TLK2: variants seen among roughly 807,000 people sequenced by gnomAD.
The protein encoded by TLK2 is serine/threonine-protein kinase tousled-like 2.
A neutral mutation model predicts 117.3 loss-of-function variants in TLK2; 6 were observed. The observed-to-expected ratio is 0.05, with a 90% CI of 0.03 to 0.10. TLK2 has a LOEUF of 0.10. Ranked by LOEUF, TLK2 falls within the 10% of genes least tolerant of loss-of-function variation. TLK2 has a pLI of 1.00. For missense variants in TLK2, 299 were observed against 901.2 expected (o/e 0.33, Z 8.56); for synonymous variants, 257 against 316.7 (o/e 0.81, Z 2.00).
intron 6 of TLK2, among the ~76,000 whole-genome samples, chr17:62,531,368 CT>C (rs2076730889): frequency 6.6e-6 from 1 of 152,082 alleles, no homozygotes; most frequent in Admixed American, 6.5e-5. Context: ...GCTATTAGCT[CT>C]ATTGAATTGG....
rs1376173634 is a variant in TLK2, at chr17:62,537,913, A to G, written c.531+1576A>G. On this transcript the variant is annotated intron_variant, in intron 7 of 21. Coordinates refer to ENST00000346027, the MANE Select transcript of TLK2 (RefSeq NM_006852.6). ...TATTGTGAGAGGGACTGACAGCAGT[A>G]TGGAATAGTTCCTTTGAGAATGCAG... 3.3e-5 allele frequency among the ~76,000 whole-genome samples: 5 copies of G among 152,012 alleles called. No individual in the cohort carries two copies. The East Asian group carries it at 7.7e-4, about 23-fold the overall frequency.
chr17:62,503,415 C>CTTTTTTTTTTTT (rs35652112), intron 2 of TLK2, among the ~76,000 whole-genome samples: 1 of 94,022 alleles, frequency 1.1e-5, no homozygotes, highest in Non-Finnish European at 2.3e-5. Flanking sequence ...TTAGTTATAA[C>CTTTTTTTTTTTT]TTTTTTTTTT....
chr17:62,524,387 A>C (rs1409005459), intron 6 of TLK2, 56 bp downstream of exon 6: 1 of 1,538,378 alleles, frequency 6.5e-7, no homozygotes, highest in African/African-American at 1.4e-5. Flanking sequence ...GATGCCCAGA[A>C]ACACTCAAGC....
chr17:62,570,050 G>C (rs1323134146), intron 11 of TLK2, among the ~76,000 whole-genome samples: 1 of 152,126 alleles, frequency 6.6e-6, no homozygotes, highest in Middle Eastern at 3.2e-3. Flanking sequence ...TGCTCTCCCT[G>C]TGCGTCTCTG....
rs1043078438 is a variant in TLK2 at position 62,479,075 on chromosome 17, C to T, written c.-221C>T. Reference sequence around the variant, plus strand: ...TCGGGCGCCTGGCTCTGTACGCGAGCCCGGGGATCTGCGGCCTTCGTGCCC... The same window carrying T: ...TCGGGCGCCTGGCTCTGTACGCGAGTCCGGGGATCTGCGGCCTTCGTGCCC... On this transcript the variant is annotated 5_prime_UTR_variant, in exon 1 of 22. Transcript: ENST00000346027. 6 of 150,172 alleles carry T rather than the reference C, an allele frequency of 4.0e-5. No individual in the cohort carries two copies. Among genetic ancestry groups the T allele is most frequent in the Non-Finnish European group, 5.9e-5 (4 of 67,294 alleles). The allele number at this position is 150,172 out of a possible 1,614,324, so 9.3% of individuals were successfully genotyped here. A position where few individuals can be genotyped will look rare whatever the true frequency, so the allele number is the denominator to read the frequency against.
chr17:62,576,693 T>C lies in TLK2; in HGVS notation c.1122-16T>C. 1 of 1,607,168 alleles carries C rather than the reference T, an allele frequency of 6.2e-7. No individual in the cohort carries two copies. The highest frequency in any genetic ancestry group is 8.5e-7 in the Non-Finnish European group (1 of 1,174,430). On this transcript the variant is annotated splice_polypyrimidine_tract_variant and intron_variant, in intron 12 of 21. Coordinates refer to ENST00000346027, the MANE Select transcript of TLK2 (RefSeq NM_006852.6). Reference sequence around the variant, plus strand: ...ATTTCTAGTAGTTTACTGAAACTTTTACCACTGTTTTTCAGGTTAACGTTA... The same window carrying C: ...ATTTCTAGTAGTTTACTGAAACTTTCACCACTGTTTTTCAGGTTAACGTTA...
chr17:62,507,138 C>T (rs1436251935), intron 2 of TLK2, among the ~76,000 whole-genome samples: 1 of 151,832 alleles, frequency 6.6e-6, no homozygotes, highest in Non-Finnish European at 1.5e-5. Context: ...GCGGGGCGCG[C>T]TGAGTCACAT....
intron 15 of TLK2, among the ~76,000 whole-genome samples, chr17:62,583,561 A>G (rs1192282754): frequency 6.6e-6 from 1 of 151,488 alleles, no homozygotes; most frequent in Non-Finnish European, 1.5e-5. Flanking sequence ...TTCCTAATGT[A>G]TTTCTTCAAA....
chr17:62,569,058 A>G (rs2080047584), intron 11 of TLK2, among the ~76,000 whole-genome samples: 1 of 151,560 alleles, frequency 6.6e-6, no homozygotes, highest in African/African-American at 2.4e-5. Flanking sequence ...TAATCCCAGC[A>G]GTTTGGGAGG....
chr17:62,476,926 GAAA>G (rs59956556), upstream of TLK2, among the ~76,000 whole-genome samples: 6 of 145,852 alleles, frequency 4.1e-5, no homozygotes, highest in East Asian at 1.2e-3. Context: ...TACCAAAAAA[GAAA>G]AAAAAAAAAA....
At chr17:62,476,012 C>G (rs1345523955), upstream of TLK2, among the ~76,000 whole-genome samples, 4 of 151,778 alleles carry the variant, frequency 2.6e-5, no homozygotes, top group Non-Finnish European at 5.9e-5. Flanking sequence ...GGGTCTCACT[C>G]TGTCACCCAG....
intron 7 of TLK2, among the ~76,000 whole-genome samples, chr17:62,546,000 G>C (rs2077882384): frequency 6.6e-6 from 1 of 152,160 alleles, no homozygotes; most frequent in South Asian, 2.1e-4. Context: ...TCCTGCCTCA[G>C]CCTTCTGAGT....
chr17:62,503,487 A>G (rs1406892046), intron 2 of TLK2, among the ~76,000 whole-genome samples: 1 of 145,454 alleles, frequency 6.9e-6, no homozygotes, highest in African/African-American at 2.6e-5. Context: ...GCACGATCTC[A>G]GCCCACTGCA....
chr17:62,537,471 C>A (rs1319687237), intron 7 of TLK2, among the ~76,000 whole-genome samples: 8 of 152,152 alleles, frequency 5.3e-5, no homozygotes. Flanking sequence ...TTCTCCATGT[C>A]TGTGTGGGTT....
At chr17:62,569,808 G>T (rs540468710) in intron 11 of TLK2, among the ~76,000 whole-genome samples, 1 of 152,110 alleles carries the variant, frequency 6.6e-6, no homozygotes, top group African/African-American at 2.4e-5. Context: ...GAAGGTACCC[G>T]CATTTCAGTT....
chr17:62,606,350 A>C (rs769075731), intron 20 of TLK2, 109 bp downstream of exon 20: 69 of 522,104 alleles, frequency 1.3e-4, no homozygotes, highest in Non-Finnish European at 2.0e-4. Context: ...GGGTTATACA[A>C]AATAGAATCC....
intron 14 of TLK2, among the ~76,000 whole-genome samples, chr17:62,579,076 T>C (rs2146743634): frequency 6.6e-6 from 1 of 152,330 alleles, no homozygotes; most frequent in East Asian, 1.9e-4. Context: ...AGGTTGAAAG[T>C]AGAAAGGGGT....
At chr17:62,563,523 GA>G (rs757006083) in intron 10 of TLK2, among the ~76,000 whole-genome samples, 1 of 152,178 alleles carries the variant, frequency 6.6e-6, no homozygotes, top group Non-Finnish European at 1.5e-5. Flanking sequence ...TAAAGAAGAG[GA>G]AAAATGTGTT....
rs2082216952 is a variant in TLK2 at position 62,593,346 on chromosome 17, A to T, written c.1461-3239A>T. Among the ~76,000 whole-genome samples, 4 of 152,088 alleles carry T rather than the reference A, an allele frequency of 2.6e-5. No individual in the cohort carries two copies. In the South Asian group the frequency reaches 8.3e-4, roughly 32 times the overall value. On this transcript the variant is annotated intron_variant, in intron 16 of 21. Transcript: ENST00000346027. ...AGAGGCTACACTACATTTATTAAAA[A>T]TTTTTTCTTCAAGTATAAATTAACC...
Sources: gnomAD v4.1 joint callset for allele counts (sites outside exome capture counted in the v4.1 genomes callset) on GRCh38, gnomAD v4.1.1 for gene constraint, MANE v1.5 for transcripts, NCBI Gene and HGNC (gene_info 2026-07-23, HGNC 2026-07-21) for gene names.